The following NRG1 variants were observed in gnomAD, a reference collection of about 807,000 sequenced individuals.
The protein encoded by NRG1 is neuregulin 1.
A neutral mutation model predicts 63.8 loss-of-function variants in NRG1; 18 were observed. The ratio of observed to expected loss-of-function variants is 0.28; its 90% confidence interval spans 0.19 to 0.42. The LOEUF is 0.42. Among genes scored for constraint, NRG1 ranks in the 10% least tolerant of loss-of-function variants. NRG1 has a pLI of 1.00. For synonymous variants in NRG1, 302 were observed against 301.3 expected (o/e 1.00, Z -0.02); for missense variants, 762 against 814.7 (o/e 0.94, Z 0.79).
intron 1 of NRG1, among the ~76,000 whole-genome samples, chr8:32,194,397 A>AT (rs796237985): frequency 1.5e-4 from 22 of 151,590 alleles, no homozygotes; most frequent in South Asian, 1.0e-3. Flanking sequence ...ACATTTTCAC[A>AT]TTTTTTTTTA....
intron 5 of NRG1, among the ~76,000 whole-genome samples, chr8:32,653,995 G>A (rs1704361332): frequency 1.3e-5 from 2 of 151,902 alleles, no homozygotes; most frequent in South Asian, 4.1e-4. Context: ...TTCAAAGGGT[G>A]TTTCTGAATA....
At chr8:32,638,343 G>A (rs957386501) in intron 5 of NRG1, among the ~76,000 whole-genome samples, 3 of 152,028 alleles carry the variant, frequency 2.0e-5, no homozygotes, top group African/African-American at 7.2e-5. Context: ...AAATTCATGG[G>A]TAAGGCCTGT....
At chr8:31,782,676 G>A (rs931134773) in intron 1 of NRG1, among the ~76,000 whole-genome samples, 3 of 152,132 alleles carry the variant, frequency 2.0e-5, no homozygotes, top group African/African-American at 7.2e-5. Context: ...CAGAAAGAAC[G>A]ATAGAGATCA....
chr8:32,648,095 C>G, intron 5 of NRG1: 1 of 1,614,090 alleles, frequency 6.2e-7, no homozygotes, highest in Non-Finnish European at 8.5e-7. Context: ...TTTCTCTGGA[C>G]GCAACTGCTG....
chr8:32,322,581 A>G (rs1801539803), intron 1 of NRG1, among the ~76,000 whole-genome samples: 1 of 152,110 alleles, frequency 6.6e-6, no homozygotes, highest in African/African-American at 2.4e-5. Flanking sequence ...GGCTTCAGGC[A>G]TGAAGGACTT....
chr8:32,670,259 G>C (rs554748448), intron 5 of NRG1, among the ~76,000 whole-genome samples: 13 of 152,170 alleles, frequency 8.5e-5, no homozygotes, highest in Non-Finnish European at 1.9e-4. Context: ...TGAGGTGAAA[G>C]GGTTTTTAGG....
chr8:32,667,556 A>G lies in NRG1; in HGVS notation c.502+50671A>G, dbSNP rs149798566. Among the ~76,000 whole-genome samples, 7 of 152,308 alleles carry G rather than the reference A, an allele frequency of 4.6e-5. No individual in the cohort carries two copies. The East Asian group carries it at 1.2e-3, about 25-fold the overall frequency. Reference sequence around the variant, plus strand: ...CCTATGGAAACATACTGATAAACATACTTTTCTTATTATATATTAAAAATG... The same window carrying G: ...CCTATGGAAACATACTGATAAACATGCTTTTCTTATTATATATTAAAAATG... On this transcript the variant is annotated intron_variant, in intron 5 of 11. Transcript: ENST00000356819.
chr8:32,200,836 G>C (rs371259174), intron 1 of NRG1, among the ~76,000 whole-genome samples: 11 of 152,110 alleles, frequency 7.2e-5, no homozygotes, highest in African/African-American at 2.7e-4. Context: ...TTTGAAGTAT[G>C]ATGCTTCATT....
chr8:31,676,614 C>T (rs1807726648), intron 1 of NRG1, among the ~76,000 whole-genome samples: 1 of 152,178 alleles, frequency 6.6e-6, no homozygotes, highest in African/African-American at 2.4e-5. Context: ...TTGAACCCTC[C>T]AGTCCGTGTT....
intron 1 of NRG1, chr8:31,639,887 G>A: frequency 9.2e-7 from 1 of 1,088,068 alleles, no homozygotes; most frequent in Non-Finnish European, 1.1e-6. Flanking sequence ...GGGGGGAGGA[G>A]GAGGAGTGGT....
chr8:32,748,066 A>G (rs1263759985), intron 7 of NRG1, among the ~76,000 whole-genome samples: 2 of 152,034 alleles, frequency 1.3e-5, no homozygotes, highest in Non-Finnish European at 2.9e-5. Context: ...GCAGGACCCA[A>G]AACCAAGATG....
At chr8:32,385,065 G>C (rs1201917945) in intron 1 of NRG1, among the ~76,000 whole-genome samples, 2 of 152,282 alleles carry the variant, frequency 1.3e-5, no homozygotes, top group East Asian at 1.9e-4. Flanking sequence ...TGTCACCCAG[G>C]CTGGAGTGCG....
chr8:31,762,688 T>G (rs1474871631), intron 1 of NRG1, among the ~76,000 whole-genome samples: 1 of 152,184 alleles, frequency 6.6e-6, no homozygotes, highest in Non-Finnish European at 1.5e-5. Flanking sequence ...AGTGATGAGG[T>G]CAGATAATAT....
chr8:32,503,904 G>A (rs1303733818), intron 1 of NRG1, among the ~76,000 whole-genome samples: 2 of 152,178 alleles, frequency 1.3e-5, no homozygotes, highest in East Asian at 3.8e-4. Flanking sequence ...TGCTTCTGGG[G>A]TCTTGCATTC....
chr8:32,324,814 A>G (rs1278845282), intron 1 of NRG1, among the ~76,000 whole-genome samples: 2 of 152,168 alleles, frequency 1.3e-5, no homozygotes, highest in Admixed American at 1.3e-4. Flanking sequence ...TTTTGGCCAC[A>G]CTAATGTAGC....
At chr8:31,868,190 A>G (rs943638488) in intron 1 of NRG1, among the ~76,000 whole-genome samples, 4 of 150,928 alleles carry the variant, frequency 2.7e-5, no homozygotes, top group African/African-American at 9.8e-5. Flanking sequence ...ACACACACAC[A>G]CACAAATAAG....
chr8:31,854,974 A>G (rs1297031338), intron 1 of NRG1, among the ~76,000 whole-genome samples: 1 of 152,104 alleles, frequency 6.6e-6, no homozygotes, highest in Non-Finnish European at 1.5e-5. Context: ...GTGATCTGAG[A>G]GATAGTTTGT....
chr8:31,666,677 T>A (rs1210463802), intron 1 of NRG1, among the ~76,000 whole-genome samples: 2 of 152,320 alleles, frequency 1.3e-5, no homozygotes, highest in East Asian at 3.9e-4. Context: ...AAAGTTGCTT[T>A]TTATGATCTC....
At chr8:32,624,422 G>T (rs1185455590) in intron 5 of NRG1, among the ~76,000 whole-genome samples, 4 of 152,120 alleles carry the variant, frequency 2.6e-5, no homozygotes, top group Non-Finnish European at 5.9e-5. Flanking sequence ...GGAAAAGTGA[G>T]CTAGACAGGA....
Sources: allele counts gnomAD v4.1 joint callset (sites outside exome capture counted in the v4.1 genomes callset), GRCh38; gene constraint gnomAD v4.1.1; transcripts MANE v1.5; gene names NCBI Gene and HGNC (gene_info 2026-07-23, HGNC 2026-07-21).